Variants in NLGN1 observed in about 807,000 individuals in gnomAD.
NLGN1 encodes the protein neuroligin-1.
Under a neutral mutation model 65.5 loss-of-function variants are expected in NLGN1, and 12 were observed. The observed-to-expected ratio is 0.18, with a 90% CI of 0.12 to 0.30. The LOEUF (loss-of-function observed/expected upper bound fraction) is 0.30. Ranked by LOEUF, NLGN1 falls within the 10% of genes least tolerant of loss-of-function variation. The pLI is 1.00. For synonymous variants in NLGN1, 350 were observed against 359.5 expected, an observed-to-expected ratio of 0.97 and a Z score of 0.30; for missense variants, 750 against 1,007.1, an observed-to-expected ratio of 0.74 and a Z score of 3.46.
At chr3:174,041,870 A>G (rs775722567) in intron 4 of NLGN1, among the ~76,000 whole-genome samples, 41 of 152,208 alleles carry the variant, frequency 2.7e-4, no homozygotes, top group Non-Finnish European at 4.0e-4. Context: ...CCTGACCAAC[A>G]TGGTGAAACT....
At chr3:173,925,336 A>C (rs533862006) in intron 4 of NLGN1, among the ~76,000 whole-genome samples, 1 of 152,290 alleles carries the variant, frequency 6.6e-6, no homozygotes, top group East Asian at 1.9e-4. Context: ...TTGAGGAAAA[A>C]AAATAGTTCA....
chr3:174,223,899 C>A (rs569601514), intron 4 of NLGN1, among the ~76,000 whole-genome samples: 3 of 152,232 alleles, frequency 2.0e-5, no homozygotes, highest in East Asian at 3.9e-4. Context: ...TTGTAGAAAT[C>A]TGAAAGTTAT....
intron 2 of NLGN1, among the ~76,000 whole-genome samples, chr3:173,597,236 T>G (rs1054230209): frequency 1.3e-5 from 2 of 152,188 alleles, no homozygotes; most frequent in African/African-American, 4.8e-5. Flanking sequence ...TTAGGCAGTC[T>G]TGGGTTTGTT....
chr3:174,076,679 T>TAGAGAGAGAGAGAGAGAG (rs3979619), intron 4 of NLGN1, among the ~76,000 whole-genome samples: 12 of 92,914 alleles, frequency 1.3e-4, no homozygotes, highest in African/African-American at 5.1e-4. Context: ...TCTGGGACCA[T>TAGAGAGAGAGAGAGAGAG]AGAGAGAGAG....
intron 3 of NLGN1, among the ~76,000 whole-genome samples, chr3:173,754,743 T>G (rs1776840526): frequency 6.6e-6 from 1 of 152,178 alleles, no homozygotes; most frequent in Non-Finnish European, 1.5e-5. Flanking sequence ...CCTAAGATAG[T>G]ACTGAATCTT....
intron 4 of NLGN1, among the ~76,000 whole-genome samples, chr3:174,108,328 C>CT (rs1481539357): frequency 1.3e-5 from 2 of 152,006 alleles, no homozygotes; most frequent in Non-Finnish European, 2.9e-5. Flanking sequence ...CTGTTCCTTG[C>CT]TTGGTTGCCC....
chr3:174,225,625 G>A (rs919355174), intron 4 of NLGN1, among the ~76,000 whole-genome samples: 2 of 152,080 alleles, frequency 1.3e-5, no homozygotes, highest in African/African-American at 2.4e-5. Flanking sequence ...CAGCTACTCC[G>A]GAGCCTGAGG....
chr3:173,951,922 C>T (rs1021770213), intron 4 of NLGN1, among the ~76,000 whole-genome samples: 1 of 151,966 alleles, frequency 6.6e-6, no homozygotes, highest in African/African-American at 2.4e-5. Flanking sequence ...TAGTGTTAAA[C>T]CATTTTGGTT....
rs1728077615 is a variant in NLGN1 at position 174,022,998 on chromosome 3, A to T, written c.646+215166A>T. Among the ~76,000 whole-genome samples the T allele has an allele frequency of 2.0e-5, 3 of 152,260 alleles. No homozygotes were observed. The South Asian group carries it at 6.2e-4, about 32-fold the overall frequency. On this transcript the variant is annotated intron_variant, in intron 4 of 6. Transcript: ENST00000457714. ...GTTATACTTCAATACAATTTTACTT[A>T]AACAGAAAAAATACCTAGAAAGAAG...
At chr3:173,738,270 A>AT (rs1358887304) in intron 3 of NLGN1, among the ~76,000 whole-genome samples, 1 of 151,748 alleles carries the variant, frequency 6.6e-6, no homozygotes, top group East Asian at 1.9e-4. Context: ...CCAGTTTATC[A>AT]TTTTTTTCTT....
At chr3:173,396,089 G>C (rs976170375), upstream of NLGN1, among the ~76,000 whole-genome samples, 1 of 152,040 alleles carries the variant, frequency 6.6e-6, no homozygotes, top group Non-Finnish European at 1.5e-5. Flanking sequence ...GGCGGGGACC[G>C]GAGCAGGGGA....
chr3:174,151,469 A>C (rs909024435), intron 4 of NLGN1, among the ~76,000 whole-genome samples: 4 of 152,130 alleles, frequency 2.6e-5, no homozygotes, highest in African/African-American at 4.8e-5. Context: ...TCTTTGCCAT[A>C]ATATGGGCTT....
chr3:173,874,355 G>A (rs1191457947), intron 4 of NLGN1, among the ~76,000 whole-genome samples: 1 of 152,104 alleles, frequency 6.6e-6, no homozygotes, highest in African/African-American at 2.4e-5. Context: ...GTTTAAATGT[G>A]TAAAATAAAA....
intron 2 of NLGN1, among the ~76,000 whole-genome samples, chr3:173,543,078 G>T (rs1739165295): frequency 1.3e-5 from 2 of 152,038 alleles, no homozygotes; most frequent in African/African-American, 4.8e-5. Flanking sequence ...CCCTGCCTTT[G>T]CACAACTCAG....
At chr3:173,779,382 A>C (rs1310440717) in intron 3 of NLGN1, among the ~76,000 whole-genome samples, 1 of 152,060 alleles carries the variant, frequency 6.6e-6, no homozygotes, top group Non-Finnish European at 1.5e-5. Flanking sequence ...ATAACTGTGA[A>C]TATATGAGTG....
At chr3:173,987,715 T>C (rs1720251546) in intron 4 of NLGN1, among the ~76,000 whole-genome samples, 1 of 152,194 alleles carries the variant, frequency 6.6e-6, no homozygotes, top group Non-Finnish European at 1.5e-5. Context: ...AGGCAATGCC[T>C]AAACCCAGTT....
intron 4 of NLGN1, among the ~76,000 whole-genome samples, chr3:173,883,217 A>ATTGAGGAG (rs1421319461): frequency 3.9e-5 from 6 of 152,272 alleles, no homozygotes; most frequent in Admixed American, 1.3e-4. Flanking sequence ...CTTAGCAGCC[A>ATTGAGGAG]TTGAGGAGTT....
chr3:173,707,838 A>G (rs1477926675), intron 3 of NLGN1, among the ~76,000 whole-genome samples: 1 of 152,236 alleles, frequency 6.6e-6, no homozygotes, highest in Non-Finnish European at 1.5e-5. Flanking sequence ...AGATAGGGAT[A>G]TGGTAGCACT....
At chr3:173,872,477 G>C (rs192759982) in intron 4 of NLGN1, among the ~76,000 whole-genome samples, 11 of 152,200 alleles carry the variant, frequency 7.2e-5, no homozygotes, top group Non-Finnish European at 1.5e-4. Context: ...CAATGATCTT[G>C]ACAAAACAAA....
Sources: gnomAD v4.1 joint callset for allele counts (sites outside exome capture counted in the v4.1 genomes callset) on GRCh38, gnomAD v4.1.1 for gene constraint, MANE v1.5 for transcripts, NCBI Gene and HGNC (gene_info 2026-07-23, HGNC 2026-07-21) for gene names.